Variants in KAT6B observed in about 807,000 individuals in gnomAD.
KAT6B encodes the protein lysine acetyltransferase 6B.
Under a neutral mutation model 187.5 loss-of-function variants are expected in KAT6B, and 10 were observed. That is an observed-to-expected ratio of 0.05 (90% confidence interval 0.03 to 0.09). The LOEUF is 0.09. KAT6B is among the 10% of genes least tolerant of loss of function. KAT6B has a pLI of 1.00. For missense variants in KAT6B, 1,952 were observed against 2,558.9 expected (o/e 0.76, Z 5.12); for synonymous variants, 861 against 926.8 (o/e 0.93, Z 1.29).
intron 3 of KAT6B, among the ~76,000 whole-genome samples, chr10:74,945,834 T>G (rs1839911590): frequency 6.6e-6 from 1 of 152,258 alleles, no homozygotes; most frequent in Admixed American, 6.5e-5. Context: ...GTGAGTTGTT[T>G]TTTAAAGTAA....
chr10:74,828,484 C>A (rs534784315), intron 1 of KAT6B, among the ~76,000 whole-genome samples: 2 of 150,406 alleles, frequency 1.3e-5, no homozygotes, highest in East Asian at 1.9e-4. Flanking sequence ...GTGCATTCTT[C>A]CTGTCTTACT....
chr10:74,976,783 TC>T (rs1261971479), intron 8 of KAT6B: 1 of 290,524 alleles, frequency 3.4e-6, no homozygotes, highest in Non-Finnish European at 6.6e-6. Context: ...TCATCCTGCT[TC>T]CGTCTCAGCA....
intron 1 of KAT6B, among the ~76,000 whole-genome samples, chr10:74,829,696 C>T (rs1383285290): frequency 1.3e-5 from 2 of 151,634 alleles, no homozygotes; most frequent in Non-Finnish European, 2.9e-5. Flanking sequence ...CCACTCACCT[C>T]GGCCTCCCAG....
chr10:74,998,427 C>T (rs1052823640), intron 13 of KAT6B, among the ~76,000 whole-genome samples: 2 of 151,482 alleles, frequency 1.3e-5, no homozygotes, highest in Non-Finnish European at 2.9e-5. Context: ...AATATGGACT[C>T]ATAGTAGAAA....
chr10:74,967,131 C>T (rs1173984889), intron 4 of KAT6B, among the ~76,000 whole-genome samples: 2 of 152,098 alleles, frequency 1.3e-5, no homozygotes, highest in African/African-American at 4.8e-5. Flanking sequence ...TCAAGACCAT[C>T]CTGGCTAACA....
intron 3 of KAT6B, among the ~76,000 whole-genome samples, chr10:74,946,123 G>A (rs4746248): frequency 0.25 from 37,559 of 152,044 alleles, 8,368 homozygotes; most frequent in African/African-American, 0.59. Context: ...GTAGATTTAG[G>A]GTTATTCAGA....
chr10:74,841,040 A>T (rs1435785128), intron 2 of KAT6B, among the ~76,000 whole-genome samples: 1 of 152,234 alleles, frequency 6.6e-6, no homozygotes, highest in Non-Finnish European at 1.5e-5. Flanking sequence ...CATTTGATGA[A>T]AGTGATAACT....
At chr10:74,924,716 GTTAC>G (rs1056797652) in intron 3 of KAT6B, among the ~76,000 whole-genome samples, 4 of 152,260 alleles carry the variant, frequency 2.6e-5, no homozygotes, top group Admixed American at 2.6e-4. Flanking sequence ...TAGAAATTCT[GTTAC>G]TTACTTCCTA....
At chr10:74,861,208 A>C (rs1288925063) in intron 3 of KAT6B, among the ~76,000 whole-genome samples, 2 of 152,082 alleles carry the variant, frequency 1.3e-5, no homozygotes, top group African/African-American at 4.8e-5. Flanking sequence ...AGGCTGAGGC[A>C]GGAGAATCAC....
intron 3 of KAT6B, among the ~76,000 whole-genome samples, chr10:74,955,550 G>A (rs970463991): frequency 1.3e-5 from 2 of 151,654 alleles, no homozygotes; most frequent in Non-Finnish European, 2.9e-5. Context: ...CTCTCTCTGT[G>A]CACATTAACA....
Position 75,031,260 on chromosome 10 carries a change from C to G in KAT6B, c.*214C>G. The G allele has an allele frequency of 1.7e-6, 1 of 574,914 alleles. No homozygotes were observed. Among genetic ancestry groups the G allele is most frequent in the Non-Finnish European group, 3.0e-6 (1 of 329,586 alleles). The allele number at this position is 574,914 out of a possible 1,614,324, so 35.6% of individuals were successfully genotyped here. ...TCCTTTTTCTTTTTTTTGGTACCTTCATTTCTGTTACTTTTATATAAAATT... is the reference window on the plus strand; with the variant it reads ...TCCTTTTTCTTTTTTTTGGTACCTTGATTTCTGTTACTTTTATATAAAATT... On this transcript the variant is annotated 3_prime_UTR_variant, in exon 18 of 18. Transcript: ENST00000287239.
At chr10:74,981,731 T>C in intron 10 of KAT6B, 56 bp from the exon 11 acceptor site, 2 of 1,234,762 alleles carry the variant, frequency 1.6e-6, no homozygotes, top group Non-Finnish European at 2.4e-6. Context: ...ATATTTAATC[T>C]TCCCCCCAAC....
At chr10:74,843,578 G>A in intron 3 of KAT6B, 100 bp downstream of exon 3, 1 of 1,443,412 alleles carries the variant, frequency 6.9e-7, no homozygotes, top group Non-Finnish European at 9.7e-7. Flanking sequence ...AATAAAGTTT[G>A]ATAAAATTGA....
chr10:74,845,442 A>T (rs965120264), intron 3 of KAT6B, among the ~76,000 whole-genome samples: 2 of 150,942 alleles, frequency 1.3e-5, no homozygotes, highest in Non-Finnish European at 2.9e-5. Flanking sequence ...GAATCCCTTA[A>T]ACCCGGGAGG....
intron 3 of KAT6B, among the ~76,000 whole-genome samples, chr10:74,949,230 T>C (rs1393877290): frequency 6.6e-6 from 1 of 152,236 alleles, no homozygotes. Flanking sequence ...TCCAGCTGTG[T>C]TGAATCAGAC....
chr10:74,869,370 T>C (rs1276020079), intron 3 of KAT6B, among the ~76,000 whole-genome samples: 1 of 152,152 alleles, frequency 6.6e-6, no homozygotes, highest in Non-Finnish European at 1.5e-5. Flanking sequence ...CGATCTCCCC[T>C]CAGTGCAACC....
chr10:74,936,226 C>A (rs1849256894), intron 3 of KAT6B, among the ~76,000 whole-genome samples: 1 of 151,958 alleles, frequency 6.6e-6, no homozygotes, highest in Non-Finnish European at 1.5e-5. Flanking sequence ...CATGGTGAAA[C>A]CCTGTCTCTA....
rs1283772742 is a variant in KAT6B, at chr10:75,031,724, G to A, written c.*678G>A. Reference sequence around the variant, plus strand: ...TGCTAAATGTTTGGTGTAAAGTTGAGACCCTTTTCCATTTTGGTGACAGAT... The same window carrying A: ...TGCTAAATGTTTGGTGTAAAGTTGAAACCCTTTTCCATTTTGGTGACAGAT... On this transcript the variant is annotated 3_prime_UTR_variant, in exon 18 of 18. Transcript: ENST00000287239. 2 of 211,276 alleles carry A rather than the reference G, an allele frequency of 9.5e-6. No homozygotes were observed. Among genetic ancestry groups the A allele is most frequent in the African/African-American group, 4.5e-5 (2 of 44,130 alleles). 13.1% of individuals were successfully genotyped at this position (211,276 alleles called of 1,614,324 possible). A position where few individuals can be genotyped will look rare whatever the true frequency, so the allele number is the denominator to read the frequency against.
intron 13 of KAT6B, among the ~76,000 whole-genome samples, chr10:74,989,960 G>T (rs939334498): frequency 6.6e-6 from 1 of 151,968 alleles, no homozygotes; most frequent in Admixed American, 6.6e-5. Context: ...ACTTTGGGAG[G>T]CCAAGGCAGG....
Sources: gnomAD v4.1 joint callset for allele counts (sites outside exome capture counted in the v4.1 genomes callset) on GRCh38, gnomAD v4.1.1 for gene constraint, MANE v1.5 for transcripts, NCBI Gene and HGNC (gene_info 2026-07-23, HGNC 2026-07-21) for gene names.